PRKN: variants seen among roughly 807,000 people sequenced by gnomAD.
PRKN encodes E3 ubiquitin-protein ligase parkin.
A neutral mutation model predicts 59.5 loss-of-function variants in PRKN; 56 were observed. The observed-to-expected ratio is 0.94, with a 90% confidence interval of 0.76 to 1.18. The LOEUF (loss-of-function observed/expected upper bound fraction) is 1.18, where lower values mean the gene tolerates loss of function less well. Ranked by LOEUF, PRKN falls within the 50% of genes most tolerant of loss-of-function variation. The pLI is 0.00. For missense variants in PRKN, 657 were observed against 596.4 expected, an observed-to-expected ratio of 1.10 and a Z score of -1.06; for synonymous variants, 250 against 222.1, an observed-to-expected ratio of 1.13 and a Z score of -1.12.
At chr6:162,514,407 A>G (rs933258378) in intron 1 of PRKN, among the ~76,000 whole-genome samples, 14 of 152,320 alleles carry the variant, frequency 9.2e-5, no homozygotes, top group African/African-American at 3.1e-4. Context: ...GTCGCCCTGT[A>G]TGATAAATGA....
At chr6:162,332,871 G>C (rs1338501676) in intron 2 of PRKN, among the ~76,000 whole-genome samples, 1 of 151,962 alleles carries the variant, frequency 6.6e-6, no homozygotes, top group Non-Finnish European at 1.5e-5. Context: ...GCTTCATGAA[G>C]GCCATTATGC....
intron 2 of PRKN, among the ~76,000 whole-genome samples, chr6:162,384,046 T>C (rs1359419696): frequency 1.3e-5 from 2 of 152,206 alleles, no homozygotes; most frequent in Non-Finnish European, 2.9e-5. Context: ...TGTAACTGGC[T>C]TGAACTTCTA....
intron 2 of PRKN, among the ~76,000 whole-genome samples, chr6:162,443,058 C>G (rs911657439): frequency 2.0e-5 from 3 of 152,186 alleles, no homozygotes; most frequent in Non-Finnish European, 2.9e-5. Flanking sequence ...CATTTATTCA[C>G]TAAGCCTAGC....
At chr6:161,435,769 T>A (rs2115064718) in intron 9 of PRKN, among the ~76,000 whole-genome samples, 1 of 148,970 alleles carries the variant, frequency 6.7e-6, no homozygotes, top group African/African-American at 2.5e-5. Context: ...TTGTATTTAT[T>A]TCTGGATTTT....
In PRKN at chr6:161,946,687, A is replaced by C. The variant is rs975867313; in HGVS notation, c.734+26615T>G. Among the ~76,000 whole-genome samples, 22 of 152,086 alleles carry C rather than the reference A, an allele frequency of 1.4e-4. 1 individual carries two copies. Among genetic ancestry groups the C allele is most frequent in the South Asian group, 6.3e-4 (3 of 4,800 alleles). Reference sequence around the variant, plus strand: ...GTTATTTTTATGGCTTGGAAAATCTACTCCTGGAAATCTGTTCTTTAGAAA... The same window carrying C: ...GTTATTTTTATGGCTTGGAAAATCTCCTCCTGGAAATCTGTTCTTTAGAAA... On this transcript the variant is annotated intron_variant, in intron 6 of 11. Coordinates refer to ENST00000366898, the MANE Select transcript of PRKN (RefSeq NM_004562.3).
chr6:161,375,980 G>A (rs760181535), intron 10 of PRKN, among the ~76,000 whole-genome samples: 2 of 152,132 alleles, frequency 1.3e-5, no homozygotes, highest in Non-Finnish European at 2.9e-5. Context: ...CCAAATAACC[G>A]GGGATCTAGA....
At chr6:162,448,920 C>T (rs1790454767) in intron 1 of PRKN, among the ~76,000 whole-genome samples, 1 of 150,770 alleles carries the variant, frequency 6.6e-6, no homozygotes, top group African/African-American at 2.4e-5. Context: ...TCTCATCTCA[C>T]TCTGTCTCCC....
At chr6:161,873,932 A>G (rs1274882139) in intron 6 of PRKN, among the ~76,000 whole-genome samples, 2 of 121,592 alleles carry the variant, frequency 1.6e-5, no homozygotes, top group East Asian at 2.1e-4. Flanking sequence ...TAAAATATAT[A>G]ATATATATAA....
intron 7 of PRKN, among the ~76,000 whole-genome samples, chr6:161,780,512 T>G (rs1305252307): frequency 2.6e-5 from 4 of 152,226 alleles, no homozygotes; most frequent in Admixed American, 2.6e-4. Context: ...CAGTCACCTT[T>G]CAGCAGAAGG....
At chr6:162,026,888 G>A (rs959947402) in intron 5 of PRKN, among the ~76,000 whole-genome samples, 1 of 152,162 alleles carries the variant, frequency 6.6e-6, no homozygotes, top group Non-Finnish European at 1.5e-5. Context: ...ATGATGGTGA[G>A]AAGTTAATAT....
intron 7 of PRKN, among the ~76,000 whole-genome samples, chr6:161,668,712 T>G: frequency 6.6e-6 from 1 of 152,196 alleles, no homozygotes; most frequent in East Asian, 1.9e-4. Context: ...TACATTATAC[T>G]TACAAATATT....
At chr6:161,374,679 G>A (rs1158680055) in intron 10 of PRKN, among the ~76,000 whole-genome samples, 2 of 152,032 alleles carry the variant, frequency 1.3e-5, no homozygotes, top group African/African-American at 4.8e-5. Flanking sequence ...ATATATGTGT[G>A]GTGTGTATGT....
intron 1 of PRKN, among the ~76,000 whole-genome samples, chr6:162,604,392 C>T (rs944324768): frequency 6.6e-6 from 1 of 152,156 alleles, no homozygotes; most frequent in Admixed American, 6.5e-5. Context: ...TAGCTTCCCC[C>T]ACTCAGTTTG....
intron 4 of PRKN, among the ~76,000 whole-genome samples, chr6:162,092,044 G>T (rs1219064368): frequency 1.3e-5 from 2 of 152,010 alleles, no homozygotes; most frequent in Non-Finnish European, 2.9e-5. Context: ...TCAAAGAAAA[G>T]AAAAAGGTCA....
At chr6:162,486,116 T>C (rs1338743977) in intron 1 of PRKN, among the ~76,000 whole-genome samples, 1 of 152,144 alleles carries the variant, frequency 6.6e-6, no homozygotes, top group East Asian at 1.9e-4. Flanking sequence ...GACTCCCCTC[T>C]CCACCCAACC....
At chr6:162,636,573 G>A (rs1777720626) in intron 1 of PRKN, among the ~76,000 whole-genome samples, 1 of 152,202 alleles carries the variant, frequency 6.6e-6, no homozygotes, top group Non-Finnish European at 1.5e-5. Flanking sequence ...CACTAGAGAA[G>A]TTTTGTTTCT....
intron 7 of PRKN, among the ~76,000 whole-genome samples, chr6:161,603,938 C>T (rs184724721): frequency 9.8e-5 from 15 of 152,298 alleles, no homozygotes; most frequent in Admixed American, 7.2e-4. Context: ...AATTAGTACC[C>T]GTATAAAACA....
Position 161,356,236 on chromosome 6 carries a change from G to T in PRKN, c.1285+3852C>A, listed in dbSNP as rs918154683. 5.3e-5 allele frequency among the ~76,000 whole-genome samples: 8 copies of T among 152,212 alleles called. No homozygotes were observed. Among genetic ancestry groups the T allele is most frequent in the African/African-American group, 1.2e-4 (5 of 41,454 alleles). On this transcript the variant is annotated intron_variant, in intron 11 of 11. Coordinates refer to ENST00000366898, the MANE Select transcript of PRKN (RefSeq NM_004562.3). The surrounding 1 kb of genome is among the most constrained non-coding windows in gnomAD (Gnocchi z 7.8). ...TGCCTCCCCCTCGAGAGATGGGATGGTGTTGACAGTGCCCCCCAACAGGAG... is the reference window on the plus strand; with the variant it reads ...TGCCTCCCCCTCGAGAGATGGGATGTTGTTGACAGTGCCCCCCAACAGGAG...
chr6:162,042,054 T>C (rs1435949163), intron 5 of PRKN, among the ~76,000 whole-genome samples: 1 of 152,044 alleles, frequency 6.6e-6, no homozygotes, highest in East Asian at 1.9e-4. Flanking sequence ...CATGGAGCCA[T>C]AGGCCATAAT....
Sources: allele counts gnomAD v4.1 joint callset (sites outside exome capture counted in the v4.1 genomes callset), GRCh38; gene constraint gnomAD v4.1.1; non-coding constraint Gnocchi (gnomAD v3.1); transcripts MANE v1.5; gene names NCBI Gene and HGNC (gene_info 2026-07-23, HGNC 2026-07-21).